The following GARIN3 variants were observed in gnomAD, a reference collection of about 807,000 sequenced individuals.
The protein encoded by GARIN3 is Golgi-associated RAB2 interactor protein 3.
the GARIN3 span, chr5:157,163,170 A>G: frequency 6.2e-7 from 1 of 1,614,158 alleles, no homozygotes; most frequent in Non-Finnish European, 8.5e-7. Context: ...CTTGGGAGAG[A>G]CTGGCGGCCC....
chr5:157,163,265 C>T, the GARIN3 span: 13 of 1,614,124 alleles, frequency 8.1e-6, no homozygotes, highest in Non-Finnish European at 1.1e-5. Flanking sequence ...GATATGTTGG[C>T]AGCACCTGCC....
the GARIN3 span, chr5:157,165,554 G>A: frequency 1.3e-6 from 2 of 1,597,364 alleles, no homozygotes; most frequent in Non-Finnish European, 1.7e-6. Context: ...GAGCCTTTGA[G>A]AGGCTTACCA....
chr5:157,162,652 A>T, the GARIN3 span: 2 of 1,614,096 alleles, frequency 1.2e-6, no homozygotes, highest in Non-Finnish European at 1.7e-6. Flanking sequence ...GAGGCTCCTT[A>T]AAAAAGAGCT....
the GARIN3 span, chr5:157,162,554 CTA>C: frequency 1.2e-6 from 2 of 1,614,140 alleles, no homozygotes; most frequent in Admixed American, 1.7e-5. Flanking sequence ...ACTTTGGCCT[CTA>C]TGTTTTGCTT....
the GARIN3 span, chr5:157,163,323 C>T: frequency 1.1e-5 from 18 of 1,614,092 alleles, no homozygotes; most frequent in Admixed American, 1.0e-4. Context: ...TAGCTGCTCC[C>T]GCCAGCGCTG....
At chr5:157,163,592 C>G in the GARIN3 span, 2 of 1,614,132 alleles carry the variant, frequency 1.2e-6, no homozygotes, top group Non-Finnish European at 1.7e-6. Context: ...GAGGTGGCTG[C>G]AGATACATCA....
the GARIN3 span, chr5:157,163,540 TG>T: frequency 6.2e-7 from 1 of 1,614,084 alleles, no homozygotes. Flanking sequence ...AGCCGTTCCG[TG>T]GGAGGCATGT....
At chr5:157,164,160 T>C in the GARIN3 span, among the ~76,000 whole-genome samples, 1 of 148,062 alleles carries the variant, frequency 6.8e-6, no homozygotes, top group Non-Finnish European at 1.5e-5. Context: ...TTTTTTTTTT[T>C]TTTTTTTGAG....
the GARIN3 span, chr5:157,162,899 T>C: frequency 2.5e-6 from 4 of 1,614,102 alleles, no homozygotes; most frequent in African/African-American, 5.3e-5. Flanking sequence ...TCCCCCGCTC[T>C]CCTGCGGTGA....
chr5:157,162,800 T>G, the GARIN3 span: 1 of 1,614,230 alleles, frequency 6.2e-7, no homozygotes, highest in East Asian at 2.2e-5. Context: ...CGCTTGCCCC[T>G]TACGTTGCTG....
chr5:157,165,565 C>G, the GARIN3 span: 14 of 1,607,492 alleles, frequency 8.7e-6, no homozygotes, highest in Non-Finnish European at 1.1e-5. Context: ...AGGCTTACCA[C>G]TAGGCTTTTG....
chr5:157,165,709 A>C, the GARIN3 span: 1 of 1,614,206 alleles, frequency 6.2e-7, no homozygotes, highest in Non-Finnish European at 8.5e-7. Flanking sequence ...GAGGGACACA[A>C]CTGCAGATAA....
At chr5:157,162,624 T>A in the GARIN3 span, 1 of 1,614,210 alleles carries the variant, frequency 6.2e-7, no homozygotes, top group Admixed American at 1.7e-5. Flanking sequence ...CCCTTGTTTT[T>A]GAACCAGGAG....
the GARIN3 span, chr5:157,163,642 C>T: frequency 6.2e-7 from 1 of 1,613,692 alleles, no homozygotes; most frequent in Admixed American, 1.7e-5. Flanking sequence ...ATCCCCTTCT[C>T]TGTGGAGCTC....
chr5:157,163,194 G>T, the GARIN3 span: 5 of 1,614,154 alleles, frequency 3.1e-6, no homozygotes, highest in Non-Finnish European at 4.2e-6. Flanking sequence ...CCATCGAGGT[G>T]GAAGTACCTT....
chr5:157,163,694 A>T, the GARIN3 span: 1 of 1,586,310 alleles, frequency 6.3e-7, no homozygotes, highest in Non-Finnish European at 8.6e-7. Flanking sequence ...TGAGATTGAG[A>T]TGACTGAAAG....
At chr5:157,163,328 G>A in the GARIN3 span, 4 of 1,614,124 alleles carry the variant, frequency 2.5e-6, no homozygotes, top group South Asian at 3.3e-5. Flanking sequence ...GCTCCCGCCA[G>A]CGCTGTGGTC....
chr5:157,163,438 G>C, the GARIN3 span: 4 of 1,614,190 alleles, frequency 2.5e-6, no homozygotes, highest in Non-Finnish European at 3.4e-6. Context: ...TCTAGGTCCT[G>C]TTGCTGTTCC....
At chr5:157,165,000 T>A in the GARIN3 span, among the ~76,000 whole-genome samples, 1 of 152,084 alleles carries the variant, frequency 6.6e-6, no homozygotes, top group South Asian at 2.1e-4. Flanking sequence ...GCCTGGGAGA[T>A]AAGAGCGAAA....
Sources: allele counts gnomAD v4.1 joint callset (sites outside exome capture counted in the v4.1 genomes callset), GRCh38; gene constraint gnomAD v4.1.1; transcripts MANE v1.5; gene names NCBI Gene and HGNC (gene_info 2026-07-23, HGNC 2026-07-21).